Variants in ADAMTSL1 observed in about 807,000 individuals in gnomAD.
The protein encoded by ADAMTSL1 is ADAMTS-like protein 1.
A neutral mutation model predicts 201.8 loss-of-function variants in ADAMTSL1; 126 were observed. That is an observed-to-expected ratio of 0.62 (90% CI 0.54 to 0.72). ADAMTSL1 has a LOEUF of 0.72. Ranked by LOEUF, ADAMTSL1 falls within the 30% of genes least tolerant of loss-of-function variation. The pLI, the probability that ADAMTSL1 is intolerant of heterozygous loss-of-function variation, is 0.00. For missense variants in ADAMTSL1, 2,679 were observed against 2,277.8 expected (o/e 1.18, Z -3.59); for synonymous variants, 1,121 against 903.4 (o/e 1.24, Z -4.32).
intron 13 of ADAMTSL1, among the ~76,000 whole-genome samples, chr9:18,696,103 A>T (rs899670019): frequency 2.0e-5 from 3 of 152,202 alleles, no homozygotes; most frequent in Admixed American, 6.5e-5. Flanking sequence ...ATCCACTCCC[A>T]TGGTCCAGTC....
intron 2 of ADAMTSL1, among the ~76,000 whole-genome samples, chr9:18,445,975 T>C (rs1034782755): frequency 9.8e-5 from 15 of 152,294 alleles, no homozygotes; most frequent in Non-Finnish European, 1.9e-4. Context: ...CCCTATTTTA[T>C]AGAATAAACT....
chr9:18,550,953 T>C (rs549776886), intron 3 of ADAMTSL1, among the ~76,000 whole-genome samples: 258 of 152,054 alleles, frequency 1.7e-3, no homozygotes, highest in African/African-American at 6.0e-3. Flanking sequence ...CAAGTTTAGA[T>C]GTACATTTTA....
intron 3 of ADAMTSL1, among the ~76,000 whole-genome samples, chr9:18,547,234 A>T (rs1387988886): frequency 6.6e-6 from 1 of 152,132 alleles, no homozygotes; most frequent in Non-Finnish European, 1.5e-5. Context: ...ATAGGATTTG[A>T]TGCAGAGTAA....
chr9:18,560,984 G>GT (rs1185014762), intron 3 of ADAMTSL1, among the ~76,000 whole-genome samples: 12 of 148,924 alleles, frequency 8.1e-5, no homozygotes, highest in African/African-American at 2.9e-4. Flanking sequence ...TTTTTGAAGG[G>GT]TTTTTTATGT....
chr9:18,666,104 T>C (rs1248395739), intron 9 of ADAMTSL1, among the ~76,000 whole-genome samples: 1 of 152,158 alleles, frequency 6.6e-6, no homozygotes, highest in Non-Finnish European at 1.5e-5. Context: ...TAACTCGACA[T>C]TGTGCTGAGG....
intron 1 of ADAMTSL1, among the ~76,000 whole-genome samples, chr9:18,027,470 A>G (rs1464403272): frequency 1.3e-5 from 2 of 151,334 alleles, no homozygotes; most frequent in East Asian, 3.9e-4. Context: ...TTCATTGTTT[A>G]CCCAAAAGTA....
intron 2 of ADAMTSL1, among the ~76,000 whole-genome samples, chr9:18,378,891 G>C (rs1249750134): frequency 6.6e-6 from 1 of 152,160 alleles, no homozygotes; most frequent in Non-Finnish European, 1.5e-5. Context: ...AAACATAATT[G>C]ATAGAGTAAC....
chr9:18,489,355 A>C (rs994628407), intron 1 of ADAMTSL1, among the ~76,000 whole-genome samples: 6 of 152,188 alleles, frequency 3.9e-5, no homozygotes, highest in Admixed American at 3.9e-4. Flanking sequence ...TGCACTTTGT[A>C]AATTGTTAAG....
intron 20 of ADAMTSL1, among the ~76,000 whole-genome samples, chr9:18,815,983 T>G (rs1823825891): frequency 6.6e-6 from 1 of 152,168 alleles, no homozygotes; most frequent in Non-Finnish European, 1.5e-5. Context: ...CTTCTTATAT[T>G]TATCATTTCT....
intron 2 of ADAMTSL1, among the ~76,000 whole-genome samples, chr9:18,233,726 C>T (rs1261025907): frequency 1.3e-5 from 2 of 152,116 alleles, no homozygotes; most frequent in Admixed American, 6.5e-5. Flanking sequence ...GAGAAGAAGC[C>T]AGCTGTGGGC....
chr9:18,909,877 A>C lies in ADAMTSL1; in HGVS notation c.*1329A>C, dbSNP rs1830512166. 6.6e-6 allele frequency: 1 copy of C among 152,278 alleles called. No individual in the cohort carries two copies. The highest frequency in any genetic ancestry group is 2.1e-4 in the South Asian group (1 of 4,838). The allele number at this position is 152,278 out of a possible 1,614,324, so 9.4% of individuals were successfully genotyped here. On this transcript the variant is annotated 3_prime_UTR_variant, in exon 29 of 29. Coordinates refer to ENST00000380548, the MANE Select transcript of ADAMTSL1 (RefSeq NM_001040272.6). ...CAGCTCACACACTGCAGCCACACTC[A>C]TCAGCTGTGGTGAGGCGGCTGGAGC... is the stretch of plus-strand genomic sequence containing the variant.
chr9:18,767,358 A>G (rs1025385706), intron 16 of ADAMTSL1, among the ~76,000 whole-genome samples: 1 of 152,234 alleles, frequency 6.6e-6, no homozygotes, highest in Non-Finnish European at 1.5e-5. Flanking sequence ...TGTGGAGAAT[A>G]TAGTCCCCAA....
intron 7 of ADAMTSL1, among the ~76,000 whole-genome samples, chr9:18,647,223 C>T (rs1013583244): frequency 5.9e-5 from 9 of 152,140 alleles, no homozygotes; most frequent in Admixed American, 3.9e-4. Context: ...TCTGTGGGAT[C>T]GGTGGTGATA....
intron 23 of ADAMTSL1, among the ~76,000 whole-genome samples, chr9:18,885,255 T>C (rs1588305551): frequency 6.6e-6 from 1 of 152,240 alleles, no homozygotes; most frequent in East Asian, 1.9e-4. Flanking sequence ...AAGAGACAAA[T>C]AAGGGCTGAA....
chr9:17,998,979 C>T (rs1819499646), intron 1 of ADAMTSL1, among the ~76,000 whole-genome samples: 1 of 152,020 alleles, frequency 6.6e-6, no homozygotes, highest in African/African-American at 2.4e-5. Flanking sequence ...ACTCTTTCCT[C>T]TAGATGAAAA....
chr9:18,476,664 CTA>C (rs1563983344), intron 1 of ADAMTSL1, among the ~76,000 whole-genome samples: 1 of 150,204 alleles, frequency 6.7e-6, no homozygotes, highest in Non-Finnish European at 1.5e-5. Context: ...CTTGTTTTTC[CTA>C]TAGTCTTTTT....
intron 23 of ADAMTSL1, among the ~76,000 whole-genome samples, chr9:18,863,958 T>G (rs1827358297): frequency 6.6e-6 from 1 of 152,232 alleles, no homozygotes; most frequent in South Asian, 2.1e-4. Flanking sequence ...ACATCATTTT[T>G]ATAGTAAGTT....
Position 17,919,890 on chromosome 9 carries a change from C to G in ADAMTSL1, c.87+12968C>G, listed in dbSNP as rs77674952. Among the ~76,000 whole-genome samples the G allele has an allele frequency of 7.0e-4, 106 of 152,214 alleles. 1 individual carries two copies. The highest frequency in any genetic ancestry group is 2.3e-3 in the African/African-American group (94 of 41,558). On this transcript the variant is annotated intron_variant, in intron 1 of 29. Coordinates refer to the ADAMTSL1 transcript ENST00000680146. Reference sequence around the variant, plus strand: ...ACACTATATTTAATCATTTGAGAAACTGCCAGAGTGTTTTCCAAACCTGCT... The same window carrying G: ...ACACTATATTTAATCATTTGAGAAAGTGCCAGAGTGTTTTCCAAACCTGCT...
At chr9:18,729,130 T>C (rs1453380284) in intron 15 of ADAMTSL1, among the ~76,000 whole-genome samples, 1 of 152,200 alleles carries the variant, frequency 6.6e-6, no homozygotes, top group Non-Finnish European at 1.5e-5. Context: ...ATCAACCCAG[T>C]GCATGTTGAC....
Sources: allele counts gnomAD v4.1 joint callset (sites outside exome capture counted in the v4.1 genomes callset), GRCh38; gene constraint gnomAD v4.1.1; transcripts MANE v1.5; gene names NCBI Gene and HGNC (gene_info 2026-07-23, HGNC 2026-07-21).